JUP: variants seen among roughly 807,000 people sequenced by gnomAD.
JUP encodes catenin (cadherin-associated protein), gamma 80kDa.
JUP carries 28 observed loss-of-function variants against 71.1 expected under a neutral mutation model. That is an observed-to-expected ratio of 0.39 (90% CI 0.29 to 0.54). The LOEUF is 0.54. JUP is among the 20% of genes least tolerant of loss of function. The probability of loss-of-function intolerance (pLI) is 0.62; values close to 1 mark genes in which losing one functional copy is unlikely to be tolerated. For missense variants in JUP, 869 were observed against 1,030.1 expected, an observed-to-expected ratio of 0.84 and a Z score of 2.14; for synonymous variants, 401 against 438.9, an observed-to-expected ratio of 0.91 and a Z score of 1.08.
intron 8 of JUP, among the ~76,000 whole-genome samples, chr17:41,759,768 G>A (rs991959788): frequency 1.8e-4 from 28 of 152,262 alleles, no homozygotes; most frequent in Non-Finnish European, 2.8e-4. Flanking sequence ...AGATGGGGAC[G>A]TGAGCACAGG....
At position 41,786,683 on chromosome 17, in the gene JUP, G is replaced by C. The variant is rs1555611835; in HGVS notation, c.-104C>G. 1 of 152,568 alleles carries C rather than the reference G, an allele frequency of 6.6e-6. No individual in the cohort carries two copies. Among genetic ancestry groups the C allele is most frequent in the Non-Finnish European group, 1.5e-5 (1 of 68,302 alleles). The allele number at this position is 152,568 out of a possible 1,614,324, so 9.5% of individuals were successfully genotyped here. On this transcript the variant is annotated 5_prime_UTR_variant, in exon 1 of 14. Coordinates refer to ENST00000393931, the MANE Select transcript of JUP (RefSeq NM_002230.4). ...AGCTCGGCGTGGTCGGGCGGCGGCT[G>C]CTCCGGACTCTGGCCAAGGCAGCAA...
At chr17:41,771,312 A>G (rs988780209) in intron 2 of JUP, 4 of 366,088 alleles carry the variant, frequency 1.1e-5, no homozygotes, top group Non-Finnish European at 2.1e-5. Flanking sequence ...GATTACAGGC[A>G]TGAGCCACCG....
At chr17:41,775,907 G>A in intron 1 of JUP, 6 of 928,068 alleles carry the variant, frequency 6.5e-6, no homozygotes, top group Non-Finnish European at 7.7e-6. Context: ...CTGGCACCGG[G>A]CACCCTAAAT....
chr17:41,758,605 G>A (rs1279852123), intron 9 of JUP, 87 bp from the exon 10 acceptor site: 55 of 1,577,066 alleles, frequency 3.5e-5, no homozygotes, highest in Middle Eastern at 1.7e-4. Flanking sequence ...AACTTCACAG[G>A]TTCTTGGAAT....
rs1031612674 is a variant in JUP, at chr17:41,757,707, C to T, written c.1851G>A (p.Ala617=). ...CCCCCTCTGCATCAATGGCGTCGGC[C>T]GCCTCCTTGTCCTGGGCCAGCTCAC... ...VLCELAQDKE[A]ADAIDAEGAS... The change falls in exon 11 of 14, where the codon GCG becomes GCA. Residue 617 remains alanine, a synonymous_variant. Transcript: ENST00000393931. The T allele has an allele frequency of 1.7e-5, 27 of 1,613,194 alleles. No individual in the cohort carries two copies. The highest frequency in any genetic ancestry group is 2.2e-5 in the South Asian group (2 of 91,028).
intron 8 of JUP, among the ~76,000 whole-genome samples, chr17:41,762,242 T>C (rs1179062286): frequency 3.3e-5 from 5 of 150,110 alleles, no homozygotes; most frequent in African/African-American, 1.2e-4. Context: ...TTTTTTTTTT[T>C]CCAAATTTTT....
intron 1 of JUP, among the ~76,000 whole-genome samples, chr17:41,784,781 C>A (rs1276644350): frequency 6.6e-6 from 1 of 152,128 alleles, no homozygotes; most frequent in African/African-American, 2.4e-5. Context: ...GTAGACTCTT[C>A]CCCTCCAAGC....
chr17:41,765,093 G>A, intron 5 of JUP, 26 bp from the exon 6 acceptor site: 1 of 1,610,886 alleles, frequency 6.2e-7, no homozygotes, highest in Non-Finnish European at 8.5e-7. Context: ...GAATGAGTGT[G>A]AGATGGACGG....
In JUP at chr17:41,767,511, G is replaced by A. The variant is rs34890640; in HGVS notation, c.777C>T (p.Gly259=). 1,429 of 1,609,316 alleles carry A rather than the reference G, an allele frequency of 8.9e-4. 23 individuals are homozygous for A. In the African/African-American group the frequency reaches 0.017, roughly 20 times the overall value. ...CGGCCAGGCGCACGGCCATCTTGGC[G>A]CCCTCCTGGTACAGGAGCAGGTTGT... The part of the protein sequence containing the change: ...TLHNLLLYQE[G]AKMAVRLADG... Residue 259 remains glycine (G), a synonymous_variant, in exon 5 of 14, where the codon GGC becomes GGT. Transcript: ENST00000393931.
chr17:41,769,323 T>C (rs1240188384), intron 3 of JUP, 95 bp downstream of exon 3: 3 of 1,566,186 alleles, frequency 1.9e-6, no homozygotes, highest in Non-Finnish European at 2.6e-6. Context: ...GTCTGGGTCA[T>C]AACCTCCCTC....
intron 1 of JUP, among the ~76,000 whole-genome samples, chr17:41,783,792 G>A (rs1055849688): frequency 5.4e-5 from 8 of 149,208 alleles, no homozygotes; most frequent in South Asian, 4.2e-4. Context: ...GGTGGCACAC[G>A]CCTGTAATCC....
Position 41,763,160 on chromosome 17 carries a change from A to G in JUP, c.1320T>C (p.His440=). 6.2e-7 allele frequency: 1 copy of G among 1,614,226 alleles called. No homozygotes were observed. The highest frequency in any genetic ancestry group is 1.1e-5 in the South Asian group (1 of 91,090). The change falls in exon 8 of 14, where the codon CAT becomes CAC. Residue 440 remains histidine, a synonymous_variant. Transcript: ENST00000393931. ...TQNSGVEALI[H]AILRAGDKDD... ...CCTTGTCACCAGCACGCAGGATGGC[A>G]TGGATGAGAGCCTCCACACCGCTGT... is the stretch of plus-strand genomic sequence containing the variant.
intron 1 of JUP, among the ~76,000 whole-genome samples, chr17:41,774,329 T>C (rs1555607988): frequency 6.7e-6 from 1 of 148,558 alleles, no homozygotes; most frequent in Non-Finnish European, 1.5e-5. Context: ...AATTTCCAAT[T>C]TCTTTCTTTC....
rs781838058 is a variant in JUP, at chr17:41,764,785, G to A, written c.1086C>T (p.Thr362=). The A allele has an allele frequency of 1.5e-5, 24 of 1,613,698 alleles. No homozygotes were observed. Among genetic ancestry groups the A allele is most frequent in the Non-Finnish European group, 1.9e-5 (22 of 1,179,966 alleles). Residue 362 remains threonine, a synonymous_variant, in exon 7 of 14, where the codon ACC becomes ACT. Coordinates refer to ENST00000393931, the MANE Select transcript of JUP (RefSeq NM_002230.4). ...GGMQALGKHL[T]SNSPRLVQNC... Reference sequence around the variant, plus strand: ...TCTGCACCAGGCGGGGGCTGTTGCTGGTCAGGTGCTTGCCCAGGGCCTGCA... The same window carrying A: ...TCTGCACCAGGCGGGGGCTGTTGCTAGTCAGGTGCTTGCCCAGGGCCTGCA...
At chr17:41,765,247 G>C (rs1045609757) in intron 5 of JUP, among the ~76,000 whole-genome samples, 180 bp from the exon 6 acceptor site, 3 of 152,098 alleles carry the variant, frequency 2.0e-5, no homozygotes, top group African/African-American at 7.2e-5. Flanking sequence ...TGCTGCCCAG[G>C]CTGGTCTAGA....
Position 41,769,129 on chromosome 17 carries a change from G to A in JUP, c.547C>T (p.Pro183Ser), listed in dbSNP as rs1916168777. ...CGCACGACAGCGGCCACCAGCTGGG[G>A]CGAGCCCATCAGGGCCCGCCGCGAC... ...EASRRALMGS[P>S]QLVAAVVRTM... The change falls in exon 4 of 14, where the codon CCC becomes TCC. Residue 183 changes from proline (P) to serine (S), a missense_variant. Transcript: ENST00000393931. 1 of 1,610,184 alleles carries A rather than the reference G, an allele frequency of 6.2e-7. No homozygotes were observed. The highest frequency in any genetic ancestry group is 8.5e-7 in the Non-Finnish European group (1 of 1,179,860).
intron 10 of JUP, 63 bp from the exon 11 acceptor site, chr17:41,757,847 A>G: frequency 7.0e-7 from 1 of 1,418,832 alleles, no homozygotes; most frequent in Admixed American, 1.9e-5. Context: ...GCCGGACAAC[A>G]CACCCCACAG....
chr17:41,781,356 C>T (rs1257124172), intron 1 of JUP, among the ~76,000 whole-genome samples: 58 of 120,376 alleles, frequency 4.8e-4, no homozygotes, highest in African/African-American at 1.7e-3. Context: ...GACTCCATCT[C>T]AAAAAAAAAA....
chr17:41,767,600 T>A lies in JUP; in HGVS notation c.708-20A>T. ...GGGGAGCTGGGGGGGTGGGCAGGGG[T>A]TAGTACGCTGAGGTCCCAGAGGCCT... is the stretch of plus-strand genomic sequence containing the variant. On this transcript the variant is annotated intron_variant, in intron 4 of 13. Coordinates refer to ENST00000393931, the MANE Select transcript of JUP (RefSeq NM_002230.4). 6.3e-7 allele frequency: 1 copy of A among 1,592,068 alleles called. No homozygotes were observed. Among genetic ancestry groups the A allele is most frequent in the Non-Finnish European group, 8.6e-7 (1 of 1,165,404 alleles).
Sources: gnomAD v4.1 joint callset for allele counts (sites outside exome capture counted in the v4.1 genomes callset) on GRCh38, gnomAD v4.1.1 for gene constraint, MANE v1.5 for transcripts, NCBI Gene and HGNC (gene_info 2026-07-23, HGNC 2026-07-21) for gene names.